The following NAALADL2 variants were observed in gnomAD, a reference collection of about 807,000 sequenced individuals.
NAALADL2 encodes the protein inactive N-acetylated-alpha-linked acidic dipeptidase-like protein 2.
In NAALADL2, 76 loss-of-function variants were observed where a neutral mutation model predicts 87.2. The ratio of observed to expected loss-of-function variants is 0.87; its 90% confidence interval spans 0.72 to 1.05. The LOEUF (loss-of-function observed/expected upper bound fraction) is 1.05. Among genes scored for constraint, NAALADL2 ranks in the 50% least tolerant of loss-of-function variants. The probability of loss-of-function intolerance (pLI) is 0.00; values close to 1 mark genes in which losing one functional copy is unlikely to be tolerated. For missense variants in NAALADL2, 1,089 were observed against 945.8 expected (o/e 1.15, Z -1.99); for synonymous variants, 354 against 331.0 (o/e 1.07, Z -0.75).
chr3:175,235,396 A>G (rs1745664446), intron 3 of NAALADL2: 1 of 152,188 alleles, frequency 6.6e-6, no homozygotes, highest in Admixed American at 6.5e-5. Flanking sequence ...ATGTCTTACC[A>G]TTAATTAAAC....
intron 10 of NAALADL2, among the ~76,000 whole-genome samples, chr3:175,619,623 G>A (rs11923357): frequency 0.15 from 22,531 of 151,732 alleles, 1,759 homozygotes; most frequent in Middle Eastern, 0.19. Flanking sequence ...AAACCACATT[G>A]TTCTGAATTA....
chr3:174,758,552 T>G (rs976811163), intron 3 of NAALADL2, among the ~76,000 whole-genome samples: 2 of 152,230 alleles, frequency 1.3e-5, no homozygotes, highest in African/African-American at 2.4e-5. Flanking sequence ...GAAGAGAGGA[T>G]GAGTGCTTGT....
chr3:174,831,180 T>C (rs1199299639), intron 3 of NAALADL2, among the ~76,000 whole-genome samples: 1 of 152,052 alleles, frequency 6.6e-6, no homozygotes, highest in African/African-American at 2.4e-5. Flanking sequence ...ATCCTTGTCT[T>C]GTGCCAGTTT....
At chr3:174,972,951 G>A (rs551691632) in intron 1 of NAALADL2, among the ~76,000 whole-genome samples, 4 of 149,498 alleles carry the variant, frequency 2.7e-5, no homozygotes, top group South Asian at 4.2e-4. Flanking sequence ...AGCTGAGATC[G>A]TGCCATTGCA....
At chr3:174,612,895 G>A (rs988020222) in intron 2 of NAALADL2, among the ~76,000 whole-genome samples, 2 of 152,088 alleles carry the variant, frequency 1.3e-5, no homozygotes, top group African/African-American at 4.8e-5. Flanking sequence ...GATATTTATT[G>A]TAGTCTTCAT....
At chr3:174,787,922 C>CA (rs905242763) in intron 3 of NAALADL2, among the ~76,000 whole-genome samples, 5 of 151,524 alleles carry the variant, frequency 3.3e-5, no homozygotes, top group Non-Finnish European at 5.9e-5. Context: ...AAGACCCTGT[C>CA]AAAAAACAAA....
At chr3:175,454,478 T>G (rs937703466) in intron 6 of NAALADL2, among the ~76,000 whole-genome samples, 5 of 152,008 alleles carry the variant, frequency 3.3e-5, no homozygotes, top group Non-Finnish European at 7.4e-5. Context: ...AGGAAGAATC[T>G]TTTTTTAGAA....
At position 174,848,100 on chromosome 3, in the gene NAALADL2, G is replaced by A. The variant is rs187025255; in HGVS notation, c.-9+110354G>A. 2.7e-4 allele frequency among the ~76,000 whole-genome samples: 40 copies of A among 149,358 alleles called. No individual in the cohort carries two copies. In the East Asian group the frequency reaches 2.9e-3, roughly 11 times the overall value. ...GTTTCAATCAAGTTATTTTGCTCTC[G>A]CTGTGATATGCTATTTATTAAAAAC... On this transcript the variant is annotated intron_variant, in intron 3 of 3. Coordinates refer to the NAALADL2 transcript ENST00000434257.
intron 13 of NAALADL2, among the ~76,000 whole-genome samples, chr3:175,786,739 G>T (rs6796156): frequency 0.014 from 2,175 of 152,254 alleles, 58 homozygotes; most frequent in African/African-American, 0.047. Flanking sequence ...TCCGTTGCTG[G>T]TGAGGAACTG....
chr3:174,648,262 G>A (rs1723998923), intron 2 of NAALADL2, among the ~76,000 whole-genome samples: 1 of 151,892 alleles, frequency 6.6e-6, no homozygotes, highest in Admixed American at 6.6e-5. Context: ...GGCAGAGGTT[G>A]CAGTGAGCTG....
chr3:175,278,848 T>G (rs1327097495), intron 4 of NAALADL2, among the ~76,000 whole-genome samples: 1 of 152,178 alleles, frequency 6.6e-6, no homozygotes, highest in African/African-American at 2.4e-5. Context: ...CTTTTTCTTA[T>G]TCCAAGTTGT....
At chr3:174,616,083 C>G (rs1049124560) in intron 2 of NAALADL2, among the ~76,000 whole-genome samples, 1 of 151,828 alleles carries the variant, frequency 6.6e-6, no homozygotes, top group Non-Finnish European at 1.5e-5. Flanking sequence ...GAAAGAGTAC[C>G]TAATTTGCCC....
At chr3:174,843,253 C>A (rs2109431748) in intron 3 of NAALADL2, among the ~76,000 whole-genome samples, 1 of 151,986 alleles carries the variant, frequency 6.6e-6, no homozygotes, top group East Asian at 1.9e-4. Context: ...TCCCATCTTC[C>A]CCTCCCTTCC....
At chr3:175,590,945 C>T (rs1721361656) in intron 10 of NAALADL2, among the ~76,000 whole-genome samples, 3 of 152,062 alleles carry the variant, frequency 2.0e-5, no homozygotes, top group South Asian at 2.1e-4. Flanking sequence ...TATTAAGAGG[C>T]CCAGGGCATG....
intron 1 of NAALADL2, among the ~76,000 whole-genome samples, chr3:174,917,073 G>C (rs1734518898): frequency 6.6e-6 from 1 of 152,014 alleles, no homozygotes; most frequent in Non-Finnish European, 1.5e-5. Context: ...TAGATGCTGA[G>C]AGCTCTTTTA....
At chr3:175,292,972 G>A (rs957368154) in intron 4 of NAALADL2, among the ~76,000 whole-genome samples, 8 of 139,790 alleles carry the variant, frequency 5.7e-5, no homozygotes, top group Admixed American at 3.1e-4. Context: ...GGGAGGCGGA[G>A]CTTGCAATGA....
At chr3:174,851,178 C>G (rs1219808687) in intron 3 of NAALADL2, among the ~76,000 whole-genome samples, 1 of 151,816 alleles carries the variant, frequency 6.6e-6, no homozygotes, top group Non-Finnish European at 1.5e-5. Context: ...AAAAAACAAC[C>G]TAATGATTCA....
At chr3:175,334,273 G>T (rs1251388117) in intron 5 of NAALADL2, among the ~76,000 whole-genome samples, 1 of 152,152 alleles carries the variant, frequency 6.6e-6, no homozygotes, top group Non-Finnish European at 1.5e-5. Flanking sequence ...TAGATAGACA[G>T]ACAGACAGAT....
intron 11 of NAALADL2, among the ~76,000 whole-genome samples, chr3:175,663,832 A>G (rs1482010127): frequency 6.6e-6 from 1 of 151,940 alleles, no homozygotes; most frequent in Admixed American, 6.6e-5. Flanking sequence ...ATATTAAAGA[A>G]TACGTAATTC....
Sources: allele counts gnomAD v4.1 joint callset (sites outside exome capture counted in the v4.1 genomes callset), GRCh38; gene constraint gnomAD v4.1.1; transcripts MANE v1.5; gene names NCBI Gene and HGNC (gene_info 2026-07-23, HGNC 2026-07-21).